Variants in EPHB6 observed in about 807,000 individuals in gnomAD.
EPHB6 encodes the protein ephrin type-B receptor 6.
A neutral mutation model predicts 107.0 loss-of-function variants in EPHB6; 51 were observed. The ratio of observed to expected loss-of-function variants is 0.48; its 90% CI spans 0.38 to 0.60. EPHB6 has a LOEUF of 0.60. Among genes scored for constraint, EPHB6 ranks in the 20% least tolerant of loss-of-function variants. The pLI is 0.00. For missense variants in EPHB6, 1,141 were observed against 1,355.5 expected, an observed-to-expected ratio of 0.84 and a Z score of 2.48; for synonymous variants, 553 against 549.0, an observed-to-expected ratio of 1.01 and a Z score of -0.10.
rs1221729726 is a variant in EPHB6, at chr7:142,864,422, C to T, written c.622C>T (p.Arg208Cys). The part of the protein sequence containing the change: ...KERSFGPLTQ[R>C]GFYVAFQDTG... ...GCGGAGCTTTGGGCCTCTCACCCAA[C>T]GCGGCTTCTACGTGGCCTTCCAGGA... The change falls in exon 7 of 20, where the codon CGC becomes TGC. Residue 208 changes from arginine (R) to cysteine (C), a missense_variant. This residue lies in a region of EPHB6 where 221 missense variants were observed against 300.5 expected (regional missense o/e 0.74). Coordinates refer to ENST00000652003, the MANE Select transcript of EPHB6 (RefSeq NM_004445.6). 5.0e-6 allele frequency: 8 copies of T among 1,612,096 alleles called. No individual in the cohort carries two copies. In the East Asian group the frequency reaches 6.7e-5, roughly 13 times the overall value.
At chr7:142,865,393 G>A (rs1803094703) in intron 7 of EPHB6, 82 bp from the exon 8 acceptor site, 10 of 1,576,492 alleles carry the variant, frequency 6.3e-6, no homozygotes, top group Middle Eastern at 1.7e-4. Context: ...AGGCTGCGAG[G>A]ATACCTGCCT....
At chr7:142,856,895 A>G (rs1802636647) in intron 1 of EPHB6, among the ~76,000 whole-genome samples, 1 of 152,082 alleles carries the variant, frequency 6.6e-6, no homozygotes, top group South Asian at 2.1e-4. Context: ...CGCCCACCTC[A>G]TCTCATACAC....
In EPHB6 at chr7:142,863,326, A is replaced by G; in HGVS notation, c.99A>G (p.Glu33=). The G allele has an allele frequency of 1.2e-6, 2 of 1,613,854 alleles. No individual in the cohort carries two copies. The highest frequency in any genetic ancestry group is 2.7e-5 in the African/African-American group (2 of 74,984). The change falls in exon 5 of 20, where the codon GAA becomes GAG. Residue 33 remains glutamate (E), a splice_region_variant and synonymous_variant. Transcript: ENST00000652003. ...LLLVSSVLAL[E]EVLLDTTGET... ...TGGTGTCTTCAGTTCTGGCTCTGGA[A>G]GGTAAGAGGGAGGGGAGACAGGAGA...
Position 142,868,594 on chromosome 7 carries a change from A to G in EPHB6, c.2141A>G (p.Gln714Arg). ...TGGGCCGGGGGCGCCGAAAGCCTGCAGATGACCTTCCTGGGCCGGGCCGCA... is the reference window on the plus strand; with the variant it reads ...TGGGCCGGGGGCGCCGAAAGCCTGCGGATGACCTTCCTGGGCCGGGCCGCA... ...ALWAGGAESL[Q>R]MTFLGRAAVL... Residue 714 changes from glutamine to arginine, a missense_variant, in exon 15 of 20, where the codon CAG becomes CGG. Physicochemically the swap from Gln to Arg is conservative, Grantham distance 43. Around this residue, in one of 3 missense-constraint regions of EPHB6, gnomAD observed 616 missense variants for 759.3 expected, o/e 0.81. Coordinates refer to ENST00000652003, the MANE Select transcript of EPHB6 (RefSeq NM_004445.6). This position sits in a 1 kb window ranked among gnomAD's most constrained non-coding sequence, Gnocchi z 4.2. 2.5e-6 allele frequency: 4 copies of G among 1,613,632 alleles called. No homozygotes were observed. Among genetic ancestry groups the G allele is most frequent in the Non-Finnish European group, 3.4e-6 (4 of 1,179,966 alleles).
At position 142,863,902 on chromosome 7, in the gene EPHB6, A is replaced by G. The variant is rs1192547304; in HGVS notation, c.166-64A>G. ...GTGGAAGAGATATGTCCCCTTCCCT[A>G]TAACCTCTACCTCGCCGTGCTTAAG... On this transcript the variant is annotated intron_variant, in intron 6 of 19. Coordinates refer to ENST00000652003, the MANE Select transcript of EPHB6 (RefSeq NM_004445.6). 2.5e-6 allele frequency: 4 copies of G among 1,609,044 alleles called. No individual in the cohort carries two copies. In the African/African-American group the frequency reaches 4.0e-5, roughly 16 times the overall value.
rs369545658 is a variant in EPHB6, at chr7:142,865,651, T to C, written c.1105+21T>C. On this transcript the variant is annotated intron_variant, in intron 8 of 19. Coordinates refer to ENST00000652003, the MANE Select transcript of EPHB6 (RefSeq NM_004445.6). ...CACTGGTGAGTTCCTCACCCAGCCC[T>C]GCAATGGGAAAGAGACTTGGAGAGG... is the stretch of plus-strand genomic sequence containing the variant. 2.0e-5 allele frequency: 32 copies of C among 1,611,682 alleles called. No individual in the cohort carries two copies. The East Asian group carries it at 2.5e-4, about 12-fold the overall frequency.
In EPHB6 at chr7:142,868,391, GA is replaced by G. The variant is rs754921734; in HGVS notation, c.2038+32del. On this transcript the variant is annotated intron_variant, in intron 14 of 19. Transcript: ENST00000652003. This position sits in a 1 kb window ranked among gnomAD's most constrained non-coding sequence, Gnocchi z 4.2. ...GCAGGGCCAAAGCAGGGATCAGAGCGACGGGGCTCCCTTGTGGCCTCCGCTG... is the reference window on the plus strand; with the variant it reads ...GCAGGGCCAAAGCAGGGATCAGAGCGCGGGGCTCCCTTGTGGCCTCCGCTG... 9 of 1,613,958 alleles carry G rather than the reference GA, an allele frequency of 5.6e-6. No individual in the cohort carries two copies. The highest frequency in any genetic ancestry group is 3.3e-5 in the Admixed American group (2 of 60,022).
chr7:142,870,761 G>A, intron 19 of EPHB6, 35 bp from the exon 20 acceptor site: 2 of 1,614,182 alleles, frequency 1.2e-6, no homozygotes, highest in Non-Finnish European at 1.7e-6. Flanking sequence ...TCTCGGAGAA[G>A]CTGGCCCAGA....
intron 1 of EPHB6, among the ~76,000 whole-genome samples, chr7:142,859,500 A>C (rs1355817439): frequency 3.3e-5 from 5 of 152,142 alleles, no homozygotes; most frequent in Non-Finnish European, 7.4e-5. Flanking sequence ...CTTTTTCTTT[A>C]TTTGGATTCC....
In EPHB6 at chr7:142,866,824, C is replaced by G; in HGVS notation, c.1588-82C>G. 6.2e-7 allele frequency: 1 copy of G among 1,610,068 alleles called. No individual in the cohort carries two copies. Among genetic ancestry groups the G allele is most frequent in the South Asian group, 1.1e-5 (1 of 90,960 alleles). The stretch of plus-strand genomic sequence containing the variant: ...GCATGTGTCTGAGAGCCCTGTCAAC[C>G]AGGGAGGGTGGCTGGGGGCCTTAGG... On this transcript the variant is annotated intron_variant, in intron 10 of 19. Transcript: ENST00000652003. This position sits in a 1 kb window ranked among gnomAD's most constrained non-coding sequence, Gnocchi z 5.2.
rs368190559 is a variant in EPHB6 at position 142,864,198 on chromosome 7, G to C, written c.398G>C (p.Arg133Pro). Reference sequence around the variant, plus strand: ...CGGGAGACCTTCACCCTTTACTACCGTCAGGCTGAGGAGCCCGACAGCCCT... The same window carrying C: ...CGGGAGACCTTCACCCTTTACTACCCTCAGGCTGAGGAGCCCGACAGCCCT... ...TCRETFTLYY[R>P]QAEEPDSPDS... The change falls in exon 7 of 20, where the codon CGT (arginine) becomes CCT (proline). Residue 133 changes from arginine (R) to proline (P), a missense_variant. Coordinates refer to ENST00000652003, the MANE Select transcript of EPHB6 (RefSeq NM_004445.6). 6.2e-7 allele frequency: 1 copy of C among 1,613,842 alleles called. No individual in the cohort carries two copies. Among genetic ancestry groups the C allele is most frequent in the Non-Finnish European group, 8.5e-7 (1 of 1,180,028 alleles).
At chr7:142,861,334 C>T (rs908433545) in intron 2 of EPHB6, 148 bp downstream of exon 2, 1 of 144,648 alleles carries the variant, frequency 6.9e-6, no homozygotes, top group African/African-American at 2.9e-5. Flanking sequence ...CTTTACTAAA[C>T]AGTTATTATC....
rs1803015026 is a variant in EPHB6 at position 142,864,299 on chromosome 7, TCC to T, written c.500_501del (p.Ser167PhefsTer157). 16 of 1,006,796 alleles carry T rather than the reference TCC, an allele frequency of 1.6e-5. No homozygotes were observed. In the Admixed American group the frequency reaches 3.1e-4, roughly 19 times the overall value. The allele number at this position is 1,006,796 out of a possible 1,614,324, so 62.4% of individuals were successfully genotyped here. A position where few individuals can be genotyped will look rare whatever the true frequency, so the allele number is the denominator to read the frequency against. On this transcript the variant is annotated frameshift_variant, in exon 7 of 20. Coordinates refer to ENST00000652003, the MANE Select transcript of EPHB6 (RefSeq NM_004445.6). LOFTEE classifies it high-confidence loss of function. The stretch of plus-strand genomic sequence containing the variant: ...TGCAGCAGACGAGAGCTTTCCCTCC[TCC>T]TCCTCCTCCTCCTCCTCCTCTTCTT... ...TIAADESFPS[S>X]SSSSSSSSSS...
chr7:142,864,844 C>T (rs1563340719), intron 7 of EPHB6, 95 bp downstream of exon 7: 9 of 1,478,260 alleles, frequency 6.1e-6, no homozygotes, highest in Middle Eastern at 2.0e-4. Flanking sequence ...ATTTTATCTG[C>T]AAAAGGTCAG....
chr7:142,856,966 A>G (rs1563332964), intron 1 of EPHB6, among the ~76,000 whole-genome samples: 1 of 152,016 alleles, frequency 6.6e-6, no homozygotes, highest in Non-Finnish European at 1.5e-5. Flanking sequence ...CGCAGGTGCT[A>G]CTCCTGGCAC....
In EPHB6 at chr7:142,869,802, G is replaced by T; in HGVS notation, c.2461-15G>T. ...ACTATGATTATTACTATTTGCTTTT[G>T]ACTTTACCCCTCAGGGCCCAAGTTG... is the stretch of plus-strand genomic sequence containing the variant. On this transcript the variant is annotated splice_polypyrimidine_tract_variant and intron_variant, in intron 16 of 19. Transcript: ENST00000652003. The surrounding 1 kb of genome is among the most constrained non-coding windows in gnomAD (Gnocchi z 4.5). The T allele has an allele frequency of 6.2e-7, 1 of 1,614,128 alleles. No individual in the cohort carries two copies. Among genetic ancestry groups the T allele is most frequent in the Non-Finnish European group, 8.5e-7 (1 of 1,180,000 alleles).
intron 7 of EPHB6, 36 bp from the exon 8 acceptor site, chr7:142,865,439 C>A (rs142760174): frequency 6.2e-7 from 1 of 1,611,246 alleles, no homozygotes; most frequent in Non-Finnish European, 8.5e-7. Flanking sequence ...GTGGACAGAG[C>A]GAGTGTGACG....
chr7:142,868,610 C>T lies in EPHB6; in HGVS notation c.2157C>T (p.Gly719=), dbSNP rs1035031471. 11 of 1,613,732 alleles carry T rather than the reference C, an allele frequency of 6.8e-6. No homozygotes were observed. Among genetic ancestry groups the T allele is most frequent in the Non-Finnish European group, 8.5e-6 (10 of 1,179,984 alleles). ...AAAGCCTGCAGATGACCTTCCTGGG[C>T]CGGGCCGCAGTGCTGGGTCAGTTCC... ...GAESLQMTFL[G]RAAVLGQFQH... Residue 719 remains glycine (G), a synonymous_variant, in exon 15 of 20, where the codon GGC becomes GGT. Transcript: ENST00000652003. This position sits in a 1 kb window ranked among gnomAD's most constrained non-coding sequence, Gnocchi z 4.2.
intron 1 of EPHB6, among the ~76,000 whole-genome samples, chr7:142,858,261 A>G (rs563592837): frequency 1.3e-5 from 2 of 152,230 alleles, no homozygotes; most frequent in Admixed American, 6.5e-5. Context: ...TTTGGCTTAC[A>G]TTATTTAATC....
Sources: allele counts gnomAD v4.1 joint callset (sites outside exome capture counted in the v4.1 genomes callset), GRCh38; gene constraint gnomAD v4.1.1; regional missense constraint gnomAD v4.1.1; non-coding constraint Gnocchi (gnomAD v3.1); transcripts MANE v1.5; gene names NCBI Gene and HGNC (gene_info 2026-07-23, HGNC 2026-07-21).